The following RANBP2 variants were observed in gnomAD, a reference collection of about 807,000 sequenced individuals.
RANBP2 encodes RAN binding protein 2, also known as E3 SUMO-protein ligase RanBP2.
RANBP2 carries 57 observed loss-of-function variants against 303.6 expected under a neutral mutation model. The ratio of observed to expected loss-of-function variants is 0.19; its 90% CI spans 0.15 to 0.23. The LOEUF is 0.23. Ranked by LOEUF, RANBP2 falls within the 10% of genes least tolerant of loss-of-function variation. RANBP2 has a pLI of 1.00. For synonymous variants in RANBP2, 1,167 were observed against 1,301.5 expected (o/e 0.90, Z 2.23); for missense variants, 3,138 against 3,780.8 (o/e 0.83, Z 4.46).
the RANBP2 span, among the ~76,000 whole-genome samples, chr2:109,147,472 A>G: frequency 2.0e-5 from 3 of 152,192 alleles, no homozygotes; most frequent in Admixed American, 6.5e-5. Flanking sequence ...ATAATTTTCC[A>G]TCTACCACTT....
At chr2:109,310,753 A>G in the RANBP2 span, among the ~76,000 whole-genome samples, 1 of 92,486 alleles carries the variant, frequency 1.1e-5, no homozygotes, top group African/African-American at 7.1e-5. Context: ...AGAAATGGAT[A>G]AATTCCTCAA....
the RANBP2 span, chr2:108,912,655 C>G: frequency 1.3e-6 from 2 of 1,563,294 alleles, no homozygotes; most frequent in Non-Finnish European, 1.7e-6. Context: ...TCCAGGTGAT[C>G]GATACCTGAG....
the RANBP2 span, among the ~76,000 whole-genome samples, chr2:109,709,235 G>T: frequency 6.6e-6 from 1 of 151,196 alleles, no homozygotes; most frequent in African/African-American, 2.4e-5. Flanking sequence ...GAACCCGGAA[G>T]GCAGAGGTTG....
the RANBP2 span, among the ~76,000 whole-genome samples, chr2:109,652,172 C>T: frequency 5.9e-5 from 9 of 152,116 alleles, no homozygotes; most frequent in African/African-American, 1.9e-4. Context: ...GCTTCTCTTG[C>T]CTGCTGTGCT....
chr2:108,842,790 A>G, the RANBP2 span, among the ~76,000 whole-genome samples: 1 of 152,220 alleles, frequency 6.6e-6, no homozygotes, highest in Non-Finnish European at 1.5e-5. Context: ...AAAAAGTCCA[A>G]CTTACATTTA....
At chr2:109,275,538 T>C in the RANBP2 span, among the ~76,000 whole-genome samples, 6 of 152,130 alleles carry the variant, frequency 3.9e-5, no homozygotes, top group African/African-American at 7.2e-5. Flanking sequence ...CTAGAAAGCG[T>C]CACAGGAAAT....
At chr2:108,842,738 T>C in the RANBP2 span, among the ~76,000 whole-genome samples, 5 of 152,192 alleles carry the variant, frequency 3.3e-5, no homozygotes, top group Non-Finnish European at 7.3e-5. Context: ...GATTTAAAAC[T>C]GGAAACAGTG....
chr2:109,763,702 T>A, the RANBP2 span, among the ~76,000 whole-genome samples: 1 of 150,538 alleles, frequency 6.6e-6, no homozygotes, highest in Non-Finnish European at 1.5e-5. Context: ...GAAAGCTTCT[T>A]CCTTTGATTG....
At chr2:109,222,937 C>G in the RANBP2 span, among the ~76,000 whole-genome samples, 3 of 152,234 alleles carry the variant, frequency 2.0e-5, no homozygotes, top group Non-Finnish European at 2.9e-5. Flanking sequence ...ATGGACCTGC[C>G]CCTGCCTGGG....
At chr2:108,728,325 C>G (rs1330468301) in intron 1 of RANBP2, among the ~76,000 whole-genome samples, 1 of 151,946 alleles carries the variant, frequency 6.6e-6, no homozygotes, top group Non-Finnish European at 1.5e-5. Context: ...AGAGGATCTC[C>G]CTGTGTCACC....
the RANBP2 span, chr2:109,501,695 C>A: frequency 1.4e-6 from 1 of 740,204 alleles, no homozygotes; most frequent in Non-Finnish European, 2.5e-6. Context: ...CTGCACCCAG[C>A]TCACAGAGGG....
chr2:109,387,180 A>G, the RANBP2 span, among the ~76,000 whole-genome samples: 2 of 152,154 alleles, frequency 1.3e-5, no homozygotes, highest in African/African-American at 4.8e-5. Flanking sequence ...CAAATTTGAG[A>G]TTGCGCTGTA....
chr2:109,211,281 C>T, the RANBP2 span, among the ~76,000 whole-genome samples: 21 of 152,156 alleles, frequency 1.4e-4, 1 homozygote, highest in Admixed American at 1.4e-3. Context: ...CTGCCATTTG[C>T]AGCAAGGCAT....
the RANBP2 span, among the ~76,000 whole-genome samples, chr2:109,390,781 C>G: frequency 8.5e-5 from 13 of 152,152 alleles, no homozygotes. Context: ...CTCACAGGGG[C>G]GGTCGCTTCC....
chr2:108,897,208 G>T, the RANBP2 span: 1 of 1,613,674 alleles, frequency 6.2e-7, no homozygotes, highest in South Asian at 1.1e-5. Context: ...GCAATCAAAT[G>T]GCAGCTCCGT....
the RANBP2 span, among the ~76,000 whole-genome samples, chr2:109,601,340 G>A: frequency 6.6e-6 from 1 of 152,096 alleles, no homozygotes; most frequent in African/African-American, 2.4e-5. Context: ...TGTATGTCAG[G>A]GGTCAAAGAC....
the RANBP2 span, among the ~76,000 whole-genome samples, chr2:108,811,245 C>CTTTTTTTTTTTTTTTTTTTTTTTTTTTT: frequency 3.6e-5 from 4 of 109,610 alleles, no homozygotes; most frequent in Non-Finnish European, 5.1e-5. Flanking sequence ...CTTTCTCTCT[C>CTTTTTTTTTTTTTTTTTTTTTTTTTTTT]TCTTTTTTTT....
the RANBP2 span, among the ~76,000 whole-genome samples, chr2:108,972,554 G>A: frequency 6.6e-6 from 1 of 152,256 alleles, no homozygotes; most frequent in African/African-American, 2.4e-5. Context: ...GAGATTGTAG[G>A]TGACCTGGGT....
At chr2:108,724,847 T>G (rs911534458) in intron 1 of RANBP2, among the ~76,000 whole-genome samples, 3 of 151,622 alleles carry the variant, frequency 2.0e-5, no homozygotes, top group Non-Finnish European at 4.4e-5. Context: ...TCCACAGATT[T>G]GGAGCTGATC....
Sources: gnomAD v4.1 joint callset for allele counts (sites outside exome capture counted in the v4.1 genomes callset) on GRCh38, gnomAD v4.1.1 for gene constraint, MANE v1.5 for transcripts, NCBI Gene and HGNC (gene_info 2026-07-23, HGNC 2026-07-21) for gene names.